The following TAFA1 variants were observed in gnomAD, a reference collection of about 807,000 sequenced individuals.
The protein encoded by TAFA1 is TAFA chemokine like family member 1.
TAFA1 carries 4 observed loss-of-function variants against 18.5 expected under a neutral mutation model. The observed-to-expected ratio is 0.22, with a 90% CI of 0.11 to 0.49. TAFA1 has a LOEUF of 0.49. Among genes scored for constraint, TAFA1 ranks in the 20% least tolerant of loss-of-function variants. The probability of loss-of-function intolerance (pLI) is 0.98; values close to 1 mark genes in which losing one functional copy is unlikely to be tolerated. For synonymous variants in TAFA1, 56 were observed against 55.2 expected, an observed-to-expected ratio of 1.01 and a Z score of -0.06; for missense variants, 147 against 169.0, an observed-to-expected ratio of 0.87 and a Z score of 0.72.
intron 2 of TAFA1, among the ~76,000 whole-genome samples, chr3:68,095,374 C>T (rs1174329834): frequency 6.6e-6 from 1 of 152,118 alleles, no homozygotes; most frequent in Non-Finnish European, 1.5e-5. Context: ...AAGAGATACC[C>T]TTGCTTCGTG....
intron 3 of TAFA1, among the ~76,000 whole-genome samples, chr3:68,445,561 A>C (rs1210970241): frequency 6.6e-6 from 1 of 152,148 alleles, no homozygotes; most frequent in Non-Finnish European, 1.5e-5. Flanking sequence ...TCAGCGTGAA[A>C]ATTTTTTGAA....
At chr3:68,114,316 T>G (rs905501161) in intron 2 of TAFA1, among the ~76,000 whole-genome samples, 1 of 152,168 alleles carries the variant, frequency 6.6e-6, no homozygotes, top group African/African-American at 2.4e-5. Flanking sequence ...CACAATTAGC[T>G]AAACCTAGCC....
intron 2 of TAFA1, among the ~76,000 whole-genome samples, chr3:68,098,788 T>C (rs1477762661): frequency 6.6e-6 from 1 of 152,118 alleles, no homozygotes; most frequent in Non-Finnish European, 1.5e-5. Flanking sequence ...TACAACATGG[T>C]ACGGGTACAA....
intron 2 of TAFA1, among the ~76,000 whole-genome samples, chr3:68,042,561 A>G (rs768083178): frequency 1.3e-5 from 2 of 152,144 alleles, no homozygotes; most frequent in Non-Finnish European, 2.9e-5. Context: ...AGGCAGGAGA[A>G]TCTCTTGAAC....
At chr3:68,054,013 C>T (rs906810587) in intron 2 of TAFA1, among the ~76,000 whole-genome samples, 1 of 152,160 alleles carries the variant, frequency 6.6e-6, no homozygotes, top group East Asian at 1.9e-4. Flanking sequence ...CCTACTTTTA[C>T]ATTTTAAAAA....
intron 2 of TAFA1, among the ~76,000 whole-genome samples, chr3:68,302,365 T>A (rs935300797): frequency 2.0e-5 from 3 of 152,130 alleles, no homozygotes; most frequent in African/African-American, 7.2e-5. Flanking sequence ...GAATGGCACT[T>A]CCCACTCAGA....
chr3:68,050,092 C>T (rs1039653277), intron 2 of TAFA1, among the ~76,000 whole-genome samples: 6 of 151,978 alleles, frequency 3.9e-5, no homozygotes, highest in Non-Finnish European at 7.4e-5. Flanking sequence ...AATGGTGTAT[C>T]GTAGTTTATT....
At chr3:68,380,781 C>A (rs1036126173) in intron 2 of TAFA1, among the ~76,000 whole-genome samples, 1 of 151,572 alleles carries the variant, frequency 6.6e-6, no homozygotes, top group East Asian at 1.9e-4. Context: ...TAATTAGATC[C>A]CATTTGTCAA....
intron 2 of TAFA1, chr3:68,247,020 A>T (rs1320056057): frequency 6.6e-6 from 1 of 152,180 alleles, no homozygotes; most frequent in East Asian, 1.9e-4. Flanking sequence ...GTGAGAAAGA[A>T]ATGACTACAT....
At chr3:68,048,773 GC>G (rs1406978198) in intron 2 of TAFA1, among the ~76,000 whole-genome samples, 1 of 152,022 alleles carries the variant, frequency 6.6e-6, no homozygotes, top group African/African-American at 2.4e-5. Flanking sequence ...CATTGATGTT[GC>G]TGCAAATGAC....
intron 2 of TAFA1, among the ~76,000 whole-genome samples, chr3:68,251,129 C>T (rs1418769654): frequency 1.3e-5 from 2 of 151,980 alleles, no homozygotes; most frequent in Non-Finnish European, 2.9e-5. Flanking sequence ...TGTGGCTATT[C>T]TATTTCTCAT....
chr3:68,204,613 T>C (rs2066504870), intron 2 of TAFA1, among the ~76,000 whole-genome samples: 1 of 151,766 alleles, frequency 6.6e-6, no homozygotes, highest in Admixed American at 6.6e-5. Context: ...ATGGGACTCA[T>C]ATGGAGTGAA....
intron 2 of TAFA1, among the ~76,000 whole-genome samples, chr3:68,356,340 G>T (rs1485243384): frequency 3.3e-5 from 5 of 151,810 alleles, no homozygotes; most frequent in Admixed American, 2.0e-4. Flanking sequence ...CCTAAGGGTG[G>T]TTGTGAGTAT....
chr3:68,494,188 A>C (rs898473664), intron 3 of TAFA1, among the ~76,000 whole-genome samples: 1 of 151,990 alleles, frequency 6.6e-6, no homozygotes, highest in African/African-American at 2.4e-5. Context: ...TGCAGCCTCC[A>C]CCTCCTGGGC....
Position 68,409,980 on chromosome 3 carries a change from A to G in TAFA1, c.119-7300A>G, listed in dbSNP as rs189059583. ...AAAGAAACATTATCCTTCGCAATTT[A>G]TCTTCCTTATTTCCTCACTTGTACA... On this transcript the variant is annotated intron_variant, in intron 2 of 4. Coordinates refer to ENST00000478136, the MANE Select transcript of TAFA1 (RefSeq NM_213609.4). 4.4e-3 allele frequency among the ~76,000 whole-genome samples: 668 copies of G among 152,208 alleles called. 1 individual carries two copies. The highest frequency in any genetic ancestry group is 7.2e-3 in the Non-Finnish European group (492 of 68,006).
At chr3:68,382,560 T>C (rs2069993217) in intron 2 of TAFA1, among the ~76,000 whole-genome samples, 1 of 152,186 alleles carries the variant, frequency 6.6e-6, no homozygotes, top group Non-Finnish European at 1.5e-5. Context: ...GGTTCTCTAT[T>C]CTGTTCCATT....
At chr3:68,068,592 C>T (rs1375722453) in intron 2 of TAFA1, among the ~76,000 whole-genome samples, 1 of 152,094 alleles carries the variant, frequency 6.6e-6, no homozygotes, top group Admixed American at 6.5e-5. Context: ...TTTTTCTTCC[C>T]CTGTGGTTTA....
chr3:68,188,901 T>C lies in TAFA1; in HGVS notation c.118+182157T>C, dbSNP rs573946876. Among the ~76,000 whole-genome samples, 15 of 152,036 alleles carry C rather than the reference T, an allele frequency of 9.9e-5. No homozygotes were observed. The South Asian group carries it at 1.9e-3, about 19-fold the overall frequency. On this transcript the variant is annotated intron_variant, in intron 2 of 4. Transcript: ENST00000478136. ...GTTTTGGAGCTTTCTGTTTCCTTCA[T>C]GGATACAAGGCCAGGTGTGCACTTT...
intron 2 of TAFA1, among the ~76,000 whole-genome samples, chr3:68,346,952 A>G (rs186420099): frequency 7.6e-4 from 115 of 152,266 alleles, no homozygotes; most frequent in Non-Finnish European, 8.4e-4. Context: ...CCAAGATCCT[A>G]AGATCTTTCT....
Sources: gnomAD v4.1 joint callset for allele counts (sites outside exome capture counted in the v4.1 genomes callset) on GRCh38, gnomAD v4.1.1 for gene constraint, MANE v1.5 for transcripts, NCBI Gene and HGNC (gene_info 2026-07-23, HGNC 2026-07-21) for gene names.